Variants in PHF12 observed in about 807,000 individuals in gnomAD.
PHF12 encodes the protein PHD finger protein 12.
Under a neutral mutation model 99.8 loss-of-function variants are expected in PHF12, and 6 were observed. The ratio of observed to expected loss-of-function variants is 0.06; its 90% CI spans 0.03 to 0.12. PHF12 has a LOEUF of 0.12. Ranked by LOEUF, PHF12 falls within the 10% of genes least tolerant of loss-of-function variation. The probability of loss-of-function intolerance (pLI) is 1.00; values close to 1 mark genes in which losing one functional copy is unlikely to be tolerated. For missense variants in PHF12, 954 were observed against 1,300.1 expected (o/e 0.73, Z 4.09); for synonymous variants, 480 against 514.9 (o/e 0.93, Z 0.92).
chr17:28,946,164 T>C (rs760930442), intron 2 of PHF12, among the ~76,000 whole-genome samples: 3 of 152,066 alleles, frequency 2.0e-5, no homozygotes, highest in African/African-American at 4.8e-5. Context: ...CACACACACA[T>C]CTCTTTCCAA....
chr17:28,941,444 C>T (rs572684061), intron 2 of PHF12, among the ~76,000 whole-genome samples: 3 of 152,098 alleles, frequency 2.0e-5, no homozygotes, highest in African/African-American at 4.8e-5. Flanking sequence ...ATATTCTCTG[C>T]GCTCTCTTTA....
intron 2 of PHF12, among the ~76,000 whole-genome samples, chr17:28,941,443 G>C (rs555747614): frequency 2.6e-5 from 4 of 152,078 alleles, no homozygotes; most frequent in Admixed American, 2.0e-4. Flanking sequence ...AATATTCTCT[G>C]CGCTCTCTTT....
At chr17:28,920,334 C>T (rs1176073523) in intron 5 of PHF12, among the ~76,000 whole-genome samples, 2 of 152,194 alleles carry the variant, frequency 1.3e-5, no homozygotes, top group Non-Finnish European at 2.9e-5. Context: ...CCTTCTAACA[C>T]ACCCAAGCCA....
Position 28,923,653 on chromosome 17 carries a change from C to CAAAAAAAAAAAAAAAAAAAAA in PHF12, c.715+235_715+255dup, listed in dbSNP as rs35263191. ...AGCCTGAGTGACAAAGTGAGACTCACAAAAAAAAAAAAAAAAAAAAAAGGA... is the reference window on the plus strand; with the variant it reads ...AGCCTGAGTGACAAAGTGAGACTCACAAAAAAAAAAAAAAAAAAAAAAAAAAAAAAAAAAAAAAAAAAAGGA... On this transcript the variant is annotated intron_variant, in intron 4 of 14. Coordinates refer to ENST00000332830, the MANE Select transcript of PHF12 (RefSeq NM_001033561.2). Among the ~76,000 whole-genome samples, 156 of 43,464 alleles carry CAAAAAAAAAAAAAAAAAAAAA rather than the reference C, an allele frequency of 3.6e-3. 4 individuals carry two copies. The highest frequency in any genetic ancestry group is 5.0e-3 in the Non-Finnish European group (123 of 24,664). 28.5% of individuals were successfully genotyped at this position (43,464 alleles called of 152,430 possible).
intron 8 of PHF12, among the ~76,000 whole-genome samples, chr17:28,913,574 GTATGTCCAGCAC>G (rs2040007934): frequency 6.6e-6 from 1 of 152,174 alleles, no homozygotes; most frequent in Non-Finnish European, 1.5e-5. Context: ...AGCACCTGTG[GTATGTCCAGCAC>G]TATCACCTAA....
intron 2 of PHF12, among the ~76,000 whole-genome samples, chr17:28,939,057 T>C (rs1306353280): frequency 1.3e-5 from 2 of 152,174 alleles, no homozygotes; most frequent in African/African-American, 4.8e-5. Flanking sequence ...ACAAATAAAA[T>C]GGAGATACTT....
chr17:28,911,443 G>T, intron 9 of PHF12: 1 of 617,444 alleles, frequency 1.6e-6, no homozygotes, highest in Non-Finnish European at 2.8e-6. Flanking sequence ...GCACGCAGGA[G>T]TCTCCAGAGC....
Position 28,950,300 on chromosome 17 carries a change from G to A in PHF12, c.67-54C>T. On this transcript the variant is annotated intron_variant, in intron 1 of 14. Coordinates refer to ENST00000332830, the MANE Select transcript of PHF12 (RefSeq NM_001033561.2). The surrounding 1 kb of genome is among the most constrained non-coding windows in gnomAD (Gnocchi z 5.7). Reference sequence around the variant, plus strand: ...CACACTCGGAGCTCCCGGGCGGTCCGTCGCCCCCCCGGCGCGGTTTCTCCG... The same window carrying A: ...CACACTCGGAGCTCCCGGGCGGTCCATCGCCCCCCCGGCGCGGTTTCTCCG... 6.5e-7 allele frequency: 1 copy of A among 1,534,354 alleles called. No homozygotes were observed. Among genetic ancestry groups the A allele is most frequent in the Non-Finnish European group, 8.8e-7 (1 of 1,141,688 alleles).
At position 28,908,885 on chromosome 17, in the gene PHF12, C is replaced by T. The variant is rs763761745; in HGVS notation, c.2360-4G>A. On this transcript the variant is annotated splice_region_variant and splice_polypyrimidine_tract_variant and intron_variant, in intron 11 of 14. Coordinates refer to ENST00000332830, the MANE Select transcript of PHF12 (RefSeq NM_001033561.2). ...GCCTGTACCTCCTTTCTTTGCACTA[C>T]AAGACAAACATAGGAATAGGATCAT... The T allele has an allele frequency of 9.3e-6, 15 of 1,610,428 alleles. No individual in the cohort carries two copies. In the Admixed American group the frequency reaches 1.7e-4, roughly 18 times the overall value.
In PHF12 at chr17:28,919,133, C is replaced by A. The variant is rs768543628; in HGVS notation, c.969+10G>T. On this transcript the variant is annotated intron_variant, in intron 6 of 14. Transcript: ENST00000332830. ...CCCATTGAGGACTGAATGGACACTG[C>A]TGTGCTTACCACCACATGTTCGATG... The A allele has an allele frequency of 1.2e-6, 2 of 1,612,478 alleles. No homozygotes were observed. The highest frequency in any genetic ancestry group is 1.7e-6 in the Non-Finnish European group (2 of 1,178,866).
At position 28,912,692 on chromosome 17, in the gene PHF12, A is replaced by T; in HGVS notation, c.1879T>A (p.Ser627Thr). The change falls in exon 9 of 15, where the codon TCC becomes ACC. Residue 627 changes from serine (S) to threonine (T), a missense_variant. Physicochemically the swap from Ser to Thr is moderately conservative, Grantham distance 58. This residue lies in a region of PHF12 where 392 missense variants were observed against 423.1 expected (regional missense o/e 0.93). Transcript: ENST00000332830. ...SLVPVPSLPP[S>T]IPSSCASIEN... ...ATGCTGGCACAAGAGCTGGGAATGG[A>T]AGGGGGCAGGCTTGGGACAGGAACC... 1 of 1,614,166 alleles carries T rather than the reference A, an allele frequency of 6.2e-7. No homozygotes were observed. The highest frequency in any genetic ancestry group is 8.5e-7 in the Non-Finnish European group (1 of 1,180,030).
At position 28,924,744 on chromosome 17, in the gene PHF12, A is replaced by C. The variant is rs979446021; in HGVS notation, c.322-442T>G. The C allele has an allele frequency of 1.2e-5, 3 of 242,172 alleles. No homozygotes were observed. The Admixed American group carries it at 1.6e-4, about 13-fold the overall frequency. 15.0% of individuals were successfully genotyped at this position (242,172 alleles called of 1,614,324 possible). On this transcript the variant is annotated intron_variant, in intron 3 of 14. Transcript: ENST00000332830. The stretch of plus-strand genomic sequence containing the variant: ...GGCAGGCAGATCACCTGAGGTCAGG[A>C]GTTCAAGACCAGCCTGGCCAACATG...
chr17:28,928,182 G>C (rs2040320476), intron 2 of PHF12: 1 of 152,212 alleles, frequency 6.6e-6, no homozygotes, highest in Admixed American at 6.5e-5. Context: ...ATGTGAGTGA[G>C]TCATCTTGGA....
chr17:28,926,917 G>T lies in PHF12; in HGVS notation c.321+74C>A, dbSNP rs759379192. The T allele has an allele frequency of 2.8e-5, 45 of 1,607,518 alleles. No individual in the cohort carries two copies. The African/African-American group carries it at 4.4e-4, about 16-fold the overall frequency. On this transcript the variant is annotated intron_variant, in intron 3 of 14. Transcript: ENST00000332830. The stretch of plus-strand genomic sequence containing the variant: ...AGGGACAAGAATGCCTTCAGGGCTA[G>T]GCCGTCTTAGCTCTAGCATATCAGT...
intron 2 of PHF12, among the ~76,000 whole-genome samples, chr17:28,936,121 A>G (rs1265483271): frequency 6.6e-6 from 1 of 152,238 alleles, no homozygotes; most frequent in Non-Finnish European, 1.5e-5. Context: ...AAGAGGATCT[A>G]TTTCAAGTCA....
intron 2 of PHF12, among the ~76,000 whole-genome samples, chr17:28,936,359 A>T (rs912837199): frequency 6.6e-6 from 1 of 152,196 alleles, no homozygotes; most frequent in Non-Finnish European, 1.5e-5. Flanking sequence ...AAGAGGCGAG[A>T]GGTAGAGGGA....
intron 5 of PHF12, among the ~76,000 whole-genome samples, chr17:28,919,863 T>C (rs2040131369): frequency 6.6e-6 from 1 of 152,206 alleles, no homozygotes; most frequent in Non-Finnish European, 1.5e-5. Context: ...AGTGAATGTT[T>C]ATTTGGAGTA....
chr17:28,910,032 T>C (rs1440025889), intron 11 of PHF12, 194 bp downstream of exon 11: 2 of 808,834 alleles, frequency 2.5e-6, no homozygotes, highest in South Asian at 2.9e-5. Context: ...TCCCCAAGTC[T>C]GATCAGAAAG....
intron 2 of PHF12, among the ~76,000 whole-genome samples, chr17:28,927,321 CTG>C (rs2040298601): frequency 6.6e-6 from 1 of 152,098 alleles, no homozygotes; most frequent in African/African-American, 2.4e-5. Context: ...AATAAAATAA[CTG>C]AGAGGTCCTC....
Sources: allele counts gnomAD v4.1 joint callset (sites outside exome capture counted in the v4.1 genomes callset), GRCh38; gene constraint gnomAD v4.1.1; regional missense constraint gnomAD v4.1.1; non-coding constraint Gnocchi (gnomAD v3.1); transcripts MANE v1.5; gene names NCBI Gene and HGNC (gene_info 2026-07-23, HGNC 2026-07-21).